The following JAZF1 variants were observed in gnomAD, a reference collection of about 807,000 sequenced individuals.
JAZF1 encodes the protein juxtaposed with another zinc finger protein 1.
Under a neutral mutation model 26.4 loss-of-function variants are expected in JAZF1, and 8 were observed. The observed-to-expected ratio is 0.30, with a 90% CI of 0.18 to 0.55. The LOEUF (loss-of-function observed/expected upper bound fraction) is 0.55, where lower values mean the gene tolerates loss of function less well. JAZF1 is among the 20% of genes least tolerant of loss of function. The pLI, the probability that JAZF1 is intolerant of heterozygous loss-of-function variation, is 0.94. For missense variants in JAZF1, 199 were observed against 322.0 expected (o/e 0.62, Z 2.92); for synonymous variants, 126 against 122.3 (o/e 1.03, Z -0.20).
In JAZF1 at chr7:28,094,449, T is replaced by G. The variant is rs143772360; in HGVS notation, c.115+86014A>C. 4.0e-3 allele frequency among the ~76,000 whole-genome samples: 612 copies of G among 152,326 alleles called. 4 individuals carry two copies. The highest frequency in any genetic ancestry group is 6.2e-3 in the Non-Finnish European group (423 of 68,026). On this transcript the variant is annotated intron_variant, in intron 1 of 4. Coordinates refer to ENST00000283928, the MANE Select transcript of JAZF1 (RefSeq NM_175061.4). ...GTCTCCAGGGCTGCTCGCTTCTGCC[T>G]ATCCGCTCCGTAGCACGAAAAGCCT...
rs150865848 is a variant in JAZF1, at chr7:27,866,844, G to A, written c.386-25977C>T. Among the ~76,000 whole-genome samples, 175 of 152,292 alleles carry A rather than the reference G, an allele frequency of 1.1e-3. 1 individual carries two copies. Among genetic ancestry groups the A allele is most frequent in the African/African-American group, 3.9e-3 (163 of 41,546 alleles). ...TCATTAATCCATTCACATTAGTGGA[G>A]ACCTGGGGATAAAGAAGACACGCTG... On this transcript the variant is annotated intron_variant, in intron 3 of 4. Transcript: ENST00000283928.
intron 2 of JAZF1, among the ~76,000 whole-genome samples, chr7:27,931,042 T>C (rs760497847): frequency 6.6e-6 from 1 of 152,212 alleles, no homozygotes; most frequent in Admixed American, 6.5e-5. Context: ...TTCTGTAAAT[T>C]TGTGGCAAAG....
intron 1 of JAZF1, among the ~76,000 whole-genome samples, chr7:28,048,559 C>T (rs1783535353): frequency 6.6e-6 from 1 of 152,136 alleles, no homozygotes; most frequent in Non-Finnish European, 1.5e-5. Context: ...ATAATTTGTT[C>T]TCTGAGAACT....
At chr7:27,950,189 T>C (rs1189701085) in intron 2 of JAZF1, among the ~76,000 whole-genome samples, 1 of 152,196 alleles carries the variant, frequency 6.6e-6, no homozygotes, top group Non-Finnish European at 1.5e-5. Context: ...TTGTAATCTG[T>C]TAAGTAATAT....
intron 3 of JAZF1, among the ~76,000 whole-genome samples, chr7:27,860,545 C>G (rs571758783): frequency 4.9e-4 from 75 of 152,362 alleles, no homozygotes; most frequent in African/African-American, 1.8e-3. Context: ...CTGGGGCTCA[C>G]TACAGGCCAG....
intron 3 of JAZF1, among the ~76,000 whole-genome samples, chr7:27,893,731 T>G (rs1784013275): frequency 6.6e-6 from 1 of 152,204 alleles, no homozygotes; most frequent in Non-Finnish European, 1.5e-5. Context: ...ATACTCCCAC[T>G]GGGGGAAGAG....
chr7:28,046,106 T>C (rs891550199), intron 1 of JAZF1, among the ~76,000 whole-genome samples: 7 of 152,242 alleles, frequency 4.6e-5, no homozygotes, highest in African/African-American at 1.4e-4. Flanking sequence ...AATATGTAAA[T>C]GCTTTTGTTA....
intron 1 of JAZF1, among the ~76,000 whole-genome samples, chr7:28,052,291 T>G (rs1783629602): frequency 6.6e-6 from 1 of 152,206 alleles, no homozygotes; most frequent in Non-Finnish European, 1.5e-5. Flanking sequence ...AAAAAATGGG[T>G]GCTTCTGCTC....
intron 3 of JAZF1, among the ~76,000 whole-genome samples, chr7:27,885,290 T>A (rs1783838368): frequency 6.6e-6 from 1 of 152,240 alleles, no homozygotes; most frequent in Non-Finnish European, 1.5e-5. Flanking sequence ...TTCACCAGTG[T>A]GTTCACCTGC....
At chr7:28,129,592 ACCAAAAGAACTACAAGTT>A in intron 1 of JAZF1, among the ~76,000 whole-genome samples, 1 of 152,320 alleles carries the variant, frequency 6.6e-6, no homozygotes, top group South Asian at 2.1e-4. Context: ...GCAATGCTAT[ACCAAAAGAACTACAAGTT>A]CCTTTTCCCT....
At chr7:28,110,586 A>AAAAGG (rs1784642325) in intron 1 of JAZF1, among the ~76,000 whole-genome samples, 5 of 119,338 alleles carry the variant, frequency 4.2e-5, no homozygotes, top group South Asian at 7.2e-4. Flanking sequence ...AGGGAAAAGG[A>AAAAGG]AAAGGAAAAG....
intron 1 of JAZF1, among the ~76,000 whole-genome samples, chr7:28,032,983 A>G (rs1345246534): frequency 1.3e-5 from 2 of 152,170 alleles, no homozygotes; most frequent in Non-Finnish European, 2.9e-5. Flanking sequence ...GTGCCCAAGC[A>G]TCTCCTCTCA....
At chr7:27,847,614 A>T (rs1000032103) in intron 3 of JAZF1, among the ~76,000 whole-genome samples, 7 of 151,960 alleles carry the variant, frequency 4.6e-5, no homozygotes, top group African/African-American at 1.7e-4. Flanking sequence ...CTTCTGTTCC[A>T]CTGGTCTATG....
intron 3 of JAZF1, among the ~76,000 whole-genome samples, chr7:27,860,697 T>C (rs1783363268): frequency 6.6e-6 from 1 of 152,182 alleles, no homozygotes; most frequent in Non-Finnish European, 1.5e-5. Context: ...ACAAAGCTCC[T>C]CCGTGGGGTG....
chr7:28,045,372 G>C (rs959919465), intron 1 of JAZF1, among the ~76,000 whole-genome samples: 1 of 152,104 alleles, frequency 6.6e-6, no homozygotes, highest in African/African-American at 2.4e-5. Context: ...AGTTTCTAAG[G>C]ACTCTTGAGA....
At chr7:28,146,554 C>G (rs1783030882) in intron 1 of JAZF1, among the ~76,000 whole-genome samples, 1 of 152,166 alleles carries the variant, frequency 6.6e-6, no homozygotes, top group African/African-American at 2.4e-5. Flanking sequence ...TGAATATAAT[C>G]AAGTGTTTAC....
At chr7:28,080,715 A>G (rs1257368849) in intron 1 of JAZF1, among the ~76,000 whole-genome samples, 3 of 152,226 alleles carry the variant, frequency 2.0e-5, no homozygotes, top group Non-Finnish European at 2.9e-5. Context: ...AGCAGTCAAC[A>G]CATAAAACAT....
intron 2 of JAZF1, among the ~76,000 whole-genome samples, chr7:27,898,738 C>T (rs1415275505): frequency 6.6e-6 from 1 of 152,198 alleles, no homozygotes; most frequent in Non-Finnish European, 1.5e-5. Context: ...GTTATATCTT[C>T]TATAGTGCTT....
chr7:28,058,858 A>ATGC (rs1379966874), intron 1 of JAZF1, among the ~76,000 whole-genome samples: 2 of 152,184 alleles, frequency 1.3e-5, no homozygotes, highest in Non-Finnish European at 2.9e-5. Context: ...AGTATTTTAC[A>ATGC]TGCCCTTAAA....
Sources: gnomAD v4.1 joint callset for allele counts (sites outside exome capture counted in the v4.1 genomes callset) on GRCh38, gnomAD v4.1.1 for gene constraint, MANE v1.5 for transcripts, NCBI Gene and HGNC (gene_info 2026-07-23, HGNC 2026-07-21) for gene names.